Variants in GAPVD1 observed in about 807,000 individuals in gnomAD.
GAPVD1 encodes GTPase-activating protein and VPS9 domain-containing protein 1.
A neutral mutation model predicts 155.5 loss-of-function variants in GAPVD1; 35 were observed. The ratio of observed to expected loss-of-function variants is 0.23; its 90% CI spans 0.17 to 0.30. The LOEUF is 0.30. Ranked by LOEUF, GAPVD1 falls within the 10% of genes least tolerant of loss-of-function variation. The pLI is 1.00. For synonymous variants in GAPVD1, 636 were observed against 619.7 expected (o/e 1.03, Z -0.39); for missense variants, 1,429 against 1,775.7 (o/e 0.80, Z 3.51).
chr9:125,318,494 T>C (rs916906568), intron 9 of GAPVD1, among the ~76,000 whole-genome samples: 3 of 152,234 alleles, frequency 2.0e-5, no homozygotes, highest in African/African-American at 4.8e-5. Context: ...GGAAAAAATA[T>C]CTTCATTGTG....
At chr9:125,293,318 T>C (rs926280974) in intron 2 of GAPVD1, among the ~76,000 whole-genome samples, 1 of 152,154 alleles carries the variant, frequency 6.6e-6, no homozygotes, top group Non-Finnish European at 1.5e-5. Flanking sequence ...TAGTGACTTG[T>C]AATTTCCTTG....
intron 19 of GAPVD1, among the ~76,000 whole-genome samples, chr9:125,342,776 C>CT (rs1332595639): frequency 1.3e-5 from 2 of 152,046 alleles, no homozygotes; most frequent in Non-Finnish European, 2.9e-5. Context: ...TAATCGTTTC[C>CT]TTTTTTGTGA....
chr9:125,354,920 C>T (rs1157628304), intron 24 of GAPVD1, 79 bp downstream of exon 24: 7 of 1,018,446 alleles, frequency 6.9e-6, no homozygotes, highest in Non-Finnish European at 1.0e-5. Context: ...TTTTGTTTTG[C>T]TAGTTTGTTC....
intron 8 of GAPVD1, among the ~76,000 whole-genome samples, chr9:125,311,064 C>G (rs1842615823): frequency 6.6e-6 from 1 of 151,952 alleles, no homozygotes; most frequent in African/African-American, 2.4e-5. Flanking sequence ...TGGTCTCAAA[C>G]TCCCGACCTC....
intron 18 of GAPVD1, 88 bp from the exon 19 acceptor site, chr9:125,342,131 C>T (rs1847917256): frequency 5.8e-6 from 4 of 688,868 alleles, no homozygotes; most frequent in South Asian, 3.7e-5. Context: ...TTTCAGCCTC[C>T]TTTCACTTAG....
intron 19 of GAPVD1, chr9:125,346,475 C>A: frequency 3.3e-6 from 1 of 306,046 alleles, no homozygotes; most frequent in South Asian, 4.0e-5. Flanking sequence ...TGTAAAAATG[C>A]ACTGTTGGAA....
At chr9:125,265,874 C>T (rs1410946204) in intron 1 of GAPVD1, among the ~76,000 whole-genome samples, 2 of 144,664 alleles carry the variant, frequency 1.4e-5, no homozygotes, top group Non-Finnish European at 3.0e-5. Flanking sequence ...TCAAGACCAG[C>T]CTGGGCCTCA....
chr9:125,300,167 C>T lies in GAPVD1; in HGVS notation c.185+1061C>T, dbSNP rs147722478. Among the ~76,000 whole-genome samples, 223 of 134,706 alleles carry T rather than the reference C, an allele frequency of 1.7e-3. 1 individual carries two copies. Among genetic ancestry groups the T allele is most frequent in the African/African-American group, 6.0e-3 (216 of 35,974 alleles). 88.4% of individuals were successfully genotyped at this position (134,706 alleles called of 152,430 possible). On this transcript the variant is annotated intron_variant, in intron 4 of 27. Transcript: ENST00000297933. ...CCACATTTTATTGTCTTAATACCTACGAAGAACATTTATTTTATTTTTTTT... is the reference window on the plus strand; with the variant it reads ...CCACATTTTATTGTCTTAATACCTATGAAGAACATTTATTTTATTTTTTTT...
At chr9:125,356,480 CCT>C (rs1027504153) in intron 25 of GAPVD1, among the ~76,000 whole-genome samples, 9 of 152,052 alleles carry the variant, frequency 5.9e-5, no homozygotes, top group Non-Finnish European at 1.2e-4. Flanking sequence ...AAAATTCTCC[CCT>C]GTTCTTTTTT....
At chr9:125,335,714 G>T (rs1230779090) in intron 15 of GAPVD1, among the ~76,000 whole-genome samples, 1 of 152,012 alleles carries the variant, frequency 6.6e-6, no homozygotes, top group East Asian at 1.9e-4. Context: ...AACCAGAGTA[G>T]GTTCAGAGAG....
intron 2 of GAPVD1, among the ~76,000 whole-genome samples, chr9:125,292,240 CAA>C (rs1838726146): frequency 6.6e-6 from 1 of 151,958 alleles, no homozygotes; most frequent in Non-Finnish European, 1.5e-5. Flanking sequence ...TCTCAGCAAA[CAA>C]AACAAAACCA....
intron 9 of GAPVD1, among the ~76,000 whole-genome samples, chr9:125,314,942 C>T (rs1241358505): frequency 2.6e-5 from 4 of 151,872 alleles, no homozygotes; most frequent in African/African-American, 7.3e-5. Flanking sequence ...CGCCCGCCAC[C>T]ACGCCCGGCT....
chr9:125,283,987 G>A (rs1036665759), intron 2 of GAPVD1, among the ~76,000 whole-genome samples: 6 of 151,088 alleles, frequency 4.0e-5, no homozygotes, highest in African/African-American at 1.5e-4. Context: ...ATTCTCCTGC[G>A]TCAGGCTTCC....
intron 2 of GAPVD1, among the ~76,000 whole-genome samples, chr9:125,272,603 A>T (rs1392757547): frequency 1.3e-5 from 2 of 152,166 alleles, no homozygotes; most frequent in South Asian, 2.1e-4. Context: ...TATGCACATT[A>T]TTTGAAATTA....
At chr9:125,286,424 A>G (rs551654261) in intron 2 of GAPVD1, among the ~76,000 whole-genome samples, 1 of 151,624 alleles carries the variant, frequency 6.6e-6, no homozygotes, top group Non-Finnish European at 1.5e-5. Flanking sequence ...AATTACAGGC[A>G]TGAACCACCA....
chr9:125,348,682 T>A (rs1848878465), intron 20 of GAPVD1, among the ~76,000 whole-genome samples: 1 of 152,148 alleles, frequency 6.6e-6, no homozygotes, highest in Non-Finnish European at 1.5e-5. Context: ...TGGCTGATTT[T>A]TGTATTTTTC....
rs376216050 is a variant in GAPVD1 at position 125,272,257 on chromosome 9, C to T, written c.-150+3273C>T. On this transcript the variant is annotated intron_variant, in intron 2 of 27. Transcript: ENST00000297933. Reference sequence around the variant, plus strand: ...CAGGCTGGTCTTGAACTCCTGACCTCGTGATCCACCCGCCTCGGCCTCCCA... The same window carrying T: ...CAGGCTGGTCTTGAACTCCTGACCTTGTGATCCACCCGCCTCGGCCTCCCA... Among the ~76,000 whole-genome samples the T allele has an allele frequency of 7.6e-4, 116 of 152,172 alleles. 1 individual carries two copies. The highest frequency in any genetic ancestry group is 3.1e-3 in the South Asian group (15 of 4,824).
chr9:125,322,921 C>T (rs913238726), intron 10 of GAPVD1, among the ~76,000 whole-genome samples: 5 of 151,656 alleles, frequency 3.3e-5, no homozygotes, highest in African/African-American at 9.7e-5. Flanking sequence ...GGTGTGGCAG[C>T]GTGTGCCTGT....
intron 2 of GAPVD1, among the ~76,000 whole-genome samples, chr9:125,272,533 A>G (rs1156991196): frequency 1.3e-5 from 2 of 152,192 alleles, no homozygotes; most frequent in African/African-American, 2.4e-5. Flanking sequence ...AAACATTACC[A>G]TGATAATAGT....
Sources: allele counts gnomAD v4.1 joint callset (sites outside exome capture counted in the v4.1 genomes callset), GRCh38; gene constraint gnomAD v4.1.1; transcripts MANE v1.5; gene names NCBI Gene and HGNC (gene_info 2026-07-23, HGNC 2026-07-21).